Variants in ATP7B observed in about 807,000 individuals in gnomAD.
ATP7B encodes the protein ATPase copper transporting beta.
ATP7B carries 113 observed loss-of-function variants against 118.9 expected under a neutral mutation model. That is an observed-to-expected ratio of 0.95 (90% CI 0.82 to 1.11). ATP7B has a LOEUF of 1.11. Among genes scored for constraint, ATP7B ranks in the 50% most tolerant of loss-of-function variants. The pLI is 0.00. For missense variants in ATP7B, 1,867 were observed against 1,871.4 expected (o/e 1.00, Z 0.04); for synonymous variants, 777 against 727.4 (o/e 1.07, Z -1.10).
chr13:52,011,617 C>T (rs1004431440), upstream of ATP7B: 12 of 562,804 alleles, frequency 2.1e-5, no homozygotes, highest in Non-Finnish European at 3.9e-5. Context: ...GAGTGGGCCT[C>T]GGACCCTCGC....
chr13:51,947,666 G>T lies in ATP7B; in HGVS notation c.2866-1188C>A, dbSNP rs572170858. Among the ~76,000 whole-genome samples, 4 of 152,244 alleles carry T rather than the reference G, an allele frequency of 2.6e-5. No homozygotes were observed. In the South Asian group the frequency reaches 8.3e-4, roughly 32 times the overall value. Reference sequence around the variant, plus strand: ...AGAAACAGTTATATTTAGGTAGAGGGATATATTAAGATTTTTAGACATAAA... The same window carrying T: ...AGAAACAGTTATATTTAGGTAGAGGTATATATTAAGATTTTTAGACATAAA... On this transcript the variant is annotated intron_variant, in intron 12 of 20. Transcript: ENST00000242839.
chr13:51,975,191 T>C (rs1392323589), intron 1 of ATP7B, 23 bp from the exon 2 acceptor site: 3 of 1,613,544 alleles, frequency 1.9e-6, no homozygotes, highest in Admixed American at 3.3e-5. Context: ...GAAATAACAT[T>C]TTTTAACCTT....
chr13:51,972,902 A>G (rs1951910104), intron 2 of ATP7B, among the ~76,000 whole-genome samples: 1 of 152,228 alleles, frequency 6.6e-6, no homozygotes, highest in Non-Finnish European at 1.5e-5. Flanking sequence ...GCTACTCAGG[A>G]GGCTGAGGTG....
chr13:52,003,339 G>A (rs1346896379), intron 1 of ATP7B, among the ~76,000 whole-genome samples: 2 of 152,100 alleles, frequency 1.3e-5, no homozygotes, highest in African/African-American at 4.8e-5. Context: ...GAAATAGGGA[G>A]ACCTGAGAGG....
chr13:51,949,860 G>A (rs1337106028), intron 11 of ATP7B, 64 bp from the exon 12 acceptor site: 1 of 1,611,828 alleles, frequency 6.2e-7, no homozygotes, highest in Non-Finnish European at 8.5e-7. Flanking sequence ...AACACCACAA[G>A]CATGGATAAA....
intron 1 of ATP7B, among the ~76,000 whole-genome samples, chr13:51,985,156 C>T (rs4941722): frequency 0.019 from 2,900 of 152,236 alleles, 85 homozygotes; most frequent in Admixed American, 0.083. Context: ...CATTGATGTG[C>T]TGTATTCAGG....
chr13:51,966,672 C>G, intron 4 of ATP7B: 1 of 1,256,516 alleles, frequency 8.0e-7, no homozygotes. Flanking sequence ...AAAAAAAGAA[C>G]ACTACAGACA....
At chr13:51,959,399 C>G (rs1421158687) in intron 7 of ATP7B, 1 of 151,990 alleles carries the variant, frequency 6.6e-6, no homozygotes, top group African/African-American at 2.4e-5. Flanking sequence ...GTCCTAGCTA[C>G]TCAGGAGGCT....
chr13:51,958,652 G>C (rs944389662), intron 7 of ATP7B, 108 bp from the exon 8 acceptor site: 4 of 896,610 alleles, frequency 4.5e-6, no homozygotes, highest in Non-Finnish European at 7.3e-6. Context: ...TTTGTGCACA[G>C]TCGTGACAGT....
chr13:51,998,512 A>G (rs2140475343), intron 1 of ATP7B, among the ~76,000 whole-genome samples: 1 of 152,320 alleles, frequency 6.6e-6, no homozygotes, highest in Middle Eastern at 3.4e-3. Flanking sequence ...ATTTCATGGT[A>G]CTTTTTGTCC....
At chr13:51,990,352 C>A (rs1193882168) in intron 1 of ATP7B, among the ~76,000 whole-genome samples, 1 of 152,046 alleles carries the variant, frequency 6.6e-6, no homozygotes, top group Non-Finnish European at 1.5e-5. Flanking sequence ...AAACTGGAAA[C>A]CATCTCAATA....
rs998939884 is a variant in ATP7B at position 51,934,927 on chromosome 13, C to A, written c.4227G>T (p.Arg1409Ser). The A allele has an allele frequency of 1.2e-6, 2 of 1,614,048 alleles. No individual in the cohort carries two copies. Among genetic ancestry groups the A allele is most frequent in the African/African-American group, 2.7e-5 (2 of 74,938 alleles). Residue 1409 changes from arginine to serine, a missense_variant, in exon 21 of 21, where the codon AGG becomes AGT. Arg to Ser is a moderately radical substitution (Grantham distance 110, BLOSUM62 -1). Transcript: ENST00000242839. ...QVSVHIGMDDRWRDSPRATPW... is the reference protein window; with the variant it reads ...QVSVHIGMDDSWRDSPRATPW... The stretch of plus-strand genomic sequence containing the variant: ...GTGTGGCCCTGGGGGAGTCCCGCCA[C>A]CTGTCATCCATGCCTATGTGCACAC...
At position 51,958,402 on chromosome 13, in the gene ATP7B, T is replaced by G; in HGVS notation, c.2264A>C (p.Lys755Thr). ...LVILVVAVAE[K>T]AERSPVTFFD... is the part of the protein sequence containing the mutation. ...GAATGTCACAGGGCTCCTCTCCGCC[T>G]TCTCAGCCACAGCAACCACCAGGAT... The change falls in exon 8 of 21, where the codon AAG (lysine) becomes ACG (threonine). Residue 755 changes from lysine (K) to threonine (T), a missense_variant. Lys to Thr is a moderately conservative substitution (Grantham distance 78). Transcript: ENST00000242839. The G allele has an allele frequency of 8.7e-6, 14 of 1,614,198 alleles. No homozygotes were observed. The highest frequency in any genetic ancestry group is 1.2e-5 in the Non-Finnish European group (14 of 1,180,034).
chr13:51,949,781 G>C lies in ATP7B; in HGVS notation c.2746C>G (p.Leu916Val), dbSNP rs1418463292. 1 of 1,613,922 alleles carries C rather than the reference G, an allele frequency of 6.2e-7. No homozygotes were observed. Among genetic ancestry groups the C allele is most frequent in the Non-Finnish European group, 8.5e-7 (1 of 1,180,036 alleles). Residue 916 changes from leucine to valine, a missense_variant, in exon 12 of 21, where the codon CTG becomes GTG. Leu to Val is a conservative substitution (Grantham distance 32). Coordinates refer to ENST00000242839, the MANE Select transcript of ATP7B (RefSeq NM_000053.4). The part of the protein sequence containing the change: ...AQMSKAPIQQ[L>V]ADRFSGYFVP... ...AAATATCCACTAAACCGGTCAGCCA[G>C]CTGCTGAATGGGTGCCTATGAAAAT...
chr13:52,008,516 T>C (rs565904128), intron 1 of ATP7B, among the ~76,000 whole-genome samples: 1 of 152,240 alleles, frequency 6.6e-6, no homozygotes, highest in East Asian at 1.9e-4. Context: ...TGAAGCTATC[T>C]AGGGGCCTAT....
intron 2 of ATP7B, among the ~76,000 whole-genome samples, chr13:51,973,656 A>G (rs140082751): frequency 1.3e-4 from 20 of 152,358 alleles, no homozygotes; most frequent in African/African-American, 3.4e-4. Context: ...AACAAATTCC[A>G]TATCTTTATA....
At chr13:51,999,664 G>A (rs573890160) in intron 1 of ATP7B, among the ~76,000 whole-genome samples, 2 of 152,034 alleles carry the variant, frequency 1.3e-5, no homozygotes, top group African/African-American at 4.8e-5. Flanking sequence ...ACTCCAACAC[G>A]GCTTTACTCT....
chr13:51,986,103 C>G (rs1397290211), intron 1 of ATP7B, among the ~76,000 whole-genome samples: 1 of 151,926 alleles, frequency 6.6e-6, no homozygotes, highest in African/African-American at 2.4e-5. Flanking sequence ...AAAAACCTTT[C>G]AAAAAAATCA....
chr13:51,994,024 G>A (rs1331123555), intron 1 of ATP7B, among the ~76,000 whole-genome samples: 2 of 152,164 alleles, frequency 1.3e-5, no homozygotes, highest in African/African-American at 2.4e-5. Flanking sequence ...ATATAGGCTG[G>A]AAATTGTAAA....
Sources: gnomAD v4.1 joint callset for allele counts (sites outside exome capture counted in the v4.1 genomes callset) on GRCh38, gnomAD v4.1.1 for gene constraint, MANE v1.5 for transcripts, NCBI Gene and HGNC (gene_info 2026-07-23, HGNC 2026-07-21) for gene names.